Variants in VSIG8 observed in about 807,000 individuals in gnomAD.
The protein encoded by VSIG8 is V-set and immunoglobulin domain containing 8.
VSIG8 carries 32 observed loss-of-function variants against 42.6 expected under a neutral mutation model. That is an observed-to-expected ratio of 0.75 (90% CI 0.57 to 1.01). The LOEUF (loss-of-function observed/expected upper bound fraction) is 1.01. VSIG8 is among the 50% of genes least tolerant of loss of function. The pLI is 0.00. For synonymous variants in VSIG8, 290 were observed against 243.8 expected (o/e 1.19, Z -1.77); for missense variants, 529 against 558.0 (o/e 0.95, Z 0.52).
intron 4 of VSIG8, among the ~76,000 whole-genome samples, chr1:159,857,029 C>G (rs1056433512): frequency 3.3e-5 from 5 of 152,210 alleles, no homozygotes; most frequent in Non-Finnish European, 5.9e-5. Context: ...TTCAGCTTCT[C>G]TATGTACTAG....
chr1:159,854,805 G>A lies in VSIG8; in HGVS notation c.1193C>T (p.Pro398Leu), dbSNP rs748108966. ...PVYVKVKSAE[P>L]ADCAEGPVQC... is the part of the protein sequence containing the mutation. The stretch of plus-strand genomic sequence containing the variant: ...CACCGGCCCCTCGGCGCAGTCAGCC[G>A]GCTCCGCGCTCTTGACCTTGACGTA... Residue 398 changes from proline (P) to leucine (L), a missense_variant, in exon 7 of 7, where the codon CCG (proline) becomes CTG (leucine). By Grantham distance (98) the Pro-to-Leu change is moderately conservative (BLOSUM62 -3). Transcript: ENST00000368100. The A allele has an allele frequency of 5.3e-6, 8 of 1,504,042 alleles. No individual in the cohort carries two copies. Among genetic ancestry groups the A allele is most frequent in the Middle Eastern group, 2.0e-4 (1 of 4,942 alleles). The allele number at this position is 1,504,042 out of a possible 1,614,324, so 93.2% of individuals were successfully genotyped here. A position where few individuals can be genotyped will look rare whatever the true frequency, so the allele number is the denominator to read the frequency against.
At position 159,855,360 on chromosome 1, in the gene VSIG8, C is replaced by T. The variant is rs1648781556; in HGVS notation, c.972-334G>A. 4.8e-6 allele frequency: 7 copies of T among 1,461,188 alleles called. No homozygotes were observed. In the East Asian group the frequency reaches 1.8e-4, roughly 38 times the overall value. The allele number at this position is 1,461,188 out of a possible 1,614,324, so 90.5% of individuals were successfully genotyped here. A position where few individuals can be genotyped will look rare whatever the true frequency, so the allele number is the denominator to read the frequency against. ...GAAGGTGCTTTTCCTCTTCTTCTTT[C>T]CTTAGCTAATCCTGACCTTGCTCGA... On this transcript the variant is annotated intron_variant, in intron 6 of 6. Coordinates refer to ENST00000368100, the MANE Select transcript of VSIG8 (RefSeq NM_001013661.1).
rs1648735695 is a variant in VSIG8 at position 159,854,664 on chromosome 1, CGTCCCCAGCCCCGACGT to C, written c.*72_*88del. ...CCTGGCAGCCTGGGGCGAGCGAGGT[CGTCCCCAGCCCCGACGT>C]GTCCCCAGCTGCAGACAGAGAGCCC... On this transcript the variant is annotated 3_prime_UTR_variant, in exon 7 of 7. Coordinates refer to ENST00000368100, the MANE Select transcript of VSIG8 (RefSeq NM_001013661.1). 7.4e-7 allele frequency: 1 copy of C among 1,350,772 alleles called. No homozygotes were observed. The highest frequency in any genetic ancestry group is 4.0e-5 in the Admixed American group (1 of 25,012). The allele number at this position is 1,350,772 out of a possible 1,614,324, so 83.7% of individuals were successfully genotyped here. A position where few individuals can be genotyped will look rare whatever the true frequency, so the allele number is the denominator to read the frequency against.
chr1:159,858,992 A>T, intron 1 of VSIG8, 80 bp from the exon 2 acceptor site: 1 of 1,471,986 alleles, frequency 6.8e-7, no homozygotes, highest in Non-Finnish European at 9.1e-7. Context: ...CCTTCCCTTC[A>T]TATTCTCTGT....
At position 159,854,962 on chromosome 1, in the gene VSIG8, C is replaced by G; in HGVS notation, c.1036G>C (p.Gly346Arg). 1.3e-6 allele frequency: 2 copies of G among 1,547,740 alleles called. No individual in the cohort carries two copies. Among genetic ancestry groups the G allele is most frequent in the Non-Finnish European group, 1.7e-6 (2 of 1,153,934 alleles). Residue 346 changes from glycine to arginine, a missense_variant, in exon 7 of 7, where the codon GGG (glycine) becomes CGG (arginine). Coordinates refer to ENST00000368100, the MANE Select transcript of VSIG8 (RefSeq NM_001013661.1). ...CGGCTGACGTTCTGCGTCGGGTACC[C>G]CAGGAGGTGGGTGACGCGGCTGCCG... is the stretch of plus-strand genomic sequence containing the variant. ...GRGSRVTHLL[G>R]YPTQNVSRSL... is the part of the protein sequence containing the mutation.
chr1:159,860,924 A>C (rs577196343), intron 1 of VSIG8: 1 of 152,434 alleles, frequency 6.6e-6, no homozygotes, highest in African/African-American at 2.4e-5. Context: ...AGGCTGAGAG[A>C]TTCTTCAATT....
chr1:159,858,190 G>C lies in VSIG8; in HGVS notation c.330C>G (p.Ser110=), dbSNP rs767333100. 2 of 1,614,096 alleles carry C rather than the reference G, an allele frequency of 1.2e-6. No individual in the cohort carries two copies. Among genetic ancestry groups the C allele is most frequent in the Non-Finnish European group, 1.7e-6 (2 of 1,180,046 alleles). ...ATACCTGCAGGTTCATGAGGTTGAT[G>C]GAGGCATCGTACTGGCTTGGGTCTG... The part of the protein sequence containing the change: ...AASDPSQYDA[S]INLMNLQVSD... The change falls in exon 3 of 7, where the codon TCC becomes TCG. Residue 110 remains serine, a synonymous_variant. Transcript: ENST00000368100.
At chr1:159,856,795 C>CT in intron 4 of VSIG8, 152 bp from the exon 5 acceptor site, 1 of 954,248 alleles carries the variant, frequency 1.0e-6, no homozygotes, top group Non-Finnish European at 1.5e-6. Flanking sequence ...ACACACTCCA[C>CT]TCTCCAGGTG....
intron 1 of VSIG8, among the ~76,000 whole-genome samples, chr1:159,859,974 G>A (rs916264083): frequency 1.3e-5 from 2 of 151,996 alleles, no homozygotes; most frequent in Non-Finnish European, 2.9e-5. Context: ...GGATAAGACC[G>A]GGGGGTGTAG....
chr1:159,862,413 G>A (rs1649051903), intron 1 of VSIG8, 60 bp downstream of exon 1: 21 of 1,541,308 alleles, frequency 1.4e-5, no homozygotes, highest in Non-Finnish European at 1.8e-5. Context: ...AGCCCTTGCT[G>A]CCCCTTTCCT....
At chr1:159,862,313 G>T (rs1052810814) in intron 1 of VSIG8, 160 bp downstream of exon 1, 5 of 662,670 alleles carry the variant, frequency 7.5e-6, no homozygotes, top group Non-Finnish European at 1.3e-5. Flanking sequence ...CTGGGGAAAG[G>T]TCCCCTGGTA....
intron 4 of VSIG8, 71 bp from the exon 5 acceptor site, chr1:159,856,714 G>C (rs1162218387): frequency 6.3e-7 from 1 of 1,577,338 alleles, no homozygotes; most frequent in Non-Finnish European, 8.6e-7. Context: ...GTGGGGTGGG[G>C]GATGGGACAC....
At chr1:159,856,429 T>C in intron 5 of VSIG8, 95 bp downstream of exon 5, 1 of 1,581,856 alleles carries the variant, frequency 6.3e-7, no homozygotes. Flanking sequence ...TGGATGGCAG[T>C]GGAAAGGCAG....
chr1:159,860,630 G>A (rs1041082181), intron 1 of VSIG8: 1 of 152,300 alleles, frequency 6.6e-6, no homozygotes, highest in Non-Finnish European at 1.5e-5. Flanking sequence ...ACGGGACCTA[G>A]TGATGCCTCT....
At chr1:159,861,813 C>T (rs1649033945) in intron 1 of VSIG8, 1 of 152,294 alleles carries the variant, frequency 6.6e-6, no homozygotes. Flanking sequence ...TGGACCTGTC[C>T]TGGTGGGGTG....
Position 159,858,604 on chromosome 1 carries a change from C to A in VSIG8, c.228+130G>T. The A allele has an allele frequency of 4.9e-6, 5 of 1,020,478 alleles. No homozygotes were observed. In the South Asian group the frequency reaches 6.8e-5, roughly 14 times the overall value. 63.2% of individuals were successfully genotyped at this position (1,020,478 alleles called of 1,614,324 possible). On this transcript the variant is annotated intron_variant, in intron 2 of 6. Coordinates refer to ENST00000368100, the MANE Select transcript of VSIG8 (RefSeq NM_001013661.1). ...AATTCACAATTGCAGAGCTCTCATCCCCATTGCCTCATTCCCTGAAAGGCC... is the reference window on the plus strand; with the variant it reads ...AATTCACAATTGCAGAGCTCTCATCACCATTGCCTCATTCCCTGAAAGGCC...
At position 159,858,128 on chromosome 1, in the gene VSIG8, G is replaced by A. The variant is rs1221600749; in HGVS notation, c.392C>T (p.Thr131Ile). The A allele has an allele frequency of 3.1e-6, 5 of 1,614,200 alleles. No individual in the cohort carries two copies. The highest frequency in any genetic ancestry group is 3.4e-6 in the Non-Finnish European group (4 of 1,180,048). Residue 131 changes from threonine (T) to isoleucine (I), a missense_variant, in exon 3 of 7, where the codon ACC (threonine) becomes ATC (isoleucine). Coordinates refer to ENST00000368100, the MANE Select transcript of VSIG8 (RefSeq NM_001013661.1). ...AATGACCTTCCGGGTGGCCATGGTG[G>A]TCTTCTTCACCCGGCACTCATAAGT... is the stretch of plus-strand genomic sequence containing the variant. ...TATYECRVKKTTMATRKVIVT... is the reference protein window; with the variant it reads ...TATYECRVKKITMATRKVIVT...
In VSIG8 at chr1:159,857,777, T is replaced by C; in HGVS notation, c.620A>G (p.Tyr207Cys). ...TATGGAGCTGTGGAAGGACTCCTGG[T>C]AGGACAGCTCTGAGTGGTAGCTGTG... ...SQHSYHSELS[Y>C]QESFHSSINQ... The change falls in exon 4 of 7, where the codon TAC (tyrosine) becomes TGC (cysteine). Residue 207 changes from tyrosine to cysteine, a missense_variant. Physicochemically the swap from Tyr to Cys is radical, Grantham distance 194. Transcript: ENST00000368100. 1 of 1,614,114 alleles carries C rather than the reference T, an allele frequency of 6.2e-7. No individual in the cohort carries two copies. Among genetic ancestry groups the C allele is most frequent in the Non-Finnish European group, 8.5e-7 (1 of 1,180,016 alleles).
At chr1:159,857,668 C>G (rs1648882727) in intron 4 of VSIG8, 77 bp downstream of exon 4, 1 of 1,292,180 alleles carries the variant, frequency 7.7e-7, no homozygotes, top group South Asian at 1.4e-5. Flanking sequence ...CACTGATAAC[C>G]CAAGGAAACC....
Sources: allele counts gnomAD v4.1 joint callset (sites outside exome capture counted in the v4.1 genomes callset), GRCh38; gene constraint gnomAD v4.1.1; transcripts MANE v1.5; gene names NCBI Gene and HGNC (gene_info 2026-07-23, HGNC 2026-07-21).